Variants in KCNQ5 observed in about 807,000 individuals in gnomAD.
KCNQ5 encodes the protein potassium voltage-gated channel subfamily Q member 5, also known as potassium voltage-gated channel subfamily KQT member 5.
A neutral mutation model predicts 98.2 loss-of-function variants in KCNQ5; 30 were observed. The ratio of observed to expected loss-of-function variants is 0.31; its 90% CI spans 0.23 to 0.41. The LOEUF is 0.41. KCNQ5 is among the 10% of genes least tolerant of loss of function. The pLI is 1.00. For synonymous variants in KCNQ5, 458 were observed against 449.4 expected (o/e 1.02, Z -0.24); for missense variants, 835 against 1,182.5 (o/e 0.71, Z 4.31).
At chr6:72,770,808 A>G (rs892613146) in intron 1 of KCNQ5, among the ~76,000 whole-genome samples, 1 of 152,174 alleles carries the variant, frequency 6.6e-6, no homozygotes, top group African/African-American at 2.4e-5. Context: ...TTGTGTATAC[A>G]ATCATAAATT....
intron 1 of KCNQ5, among the ~76,000 whole-genome samples, chr6:72,953,251 A>T (rs1013102834): frequency 2.0e-5 from 3 of 152,218 alleles, no homozygotes; most frequent in Non-Finnish European, 4.4e-5. Context: ...AATGTGATTA[A>T]TTAACATTTT....
intron 1 of KCNQ5, among the ~76,000 whole-genome samples, chr6:72,802,608 G>C (rs923842363): frequency 2.6e-5 from 4 of 152,000 alleles, no homozygotes; most frequent in Admixed American, 2.6e-4. Context: ...TCTCATTTTG[G>C]TAACATAGAT....
chr6:72,941,481 TC>T (rs1766270456), intron 1 of KCNQ5, among the ~76,000 whole-genome samples: 2 of 113,004 alleles, frequency 1.8e-5, no homozygotes. Context: ...CCTCCTTCCC[TC>T]CCTCCCTTCT....
intron 1 of KCNQ5, among the ~76,000 whole-genome samples, chr6:72,942,026 A>G (rs1766336528): frequency 6.6e-6 from 1 of 152,168 alleles, no homozygotes; most frequent in South Asian, 2.1e-4. Flanking sequence ...TAAGTGGGGA[A>G]GGGCATTTTC....
intron 1 of KCNQ5, among the ~76,000 whole-genome samples, chr6:72,827,813 T>A (rs1227698459): frequency 6.6e-6 from 1 of 152,138 alleles, no homozygotes; most frequent in East Asian, 1.9e-4. Context: ...CAGTCCAATG[T>A]CCTGAACTGT....
chr6:73,194,448 C>A lies in KCNQ5; in HGVS notation c.1837-4C>A, dbSNP rs989222347. 1 of 1,610,154 alleles carries A rather than the reference C, an allele frequency of 6.2e-7. No individual in the cohort carries two copies. The highest frequency in any genetic ancestry group is 8.5e-7 in the Non-Finnish European group (1 of 1,177,426). ...TCATGTGTAACCATTTTCCTCACTT[C>A]TAGGTACAGTCCATAGAATCCAAGC... is the stretch of plus-strand genomic sequence containing the variant. On this transcript the variant is annotated splice_polypyrimidine_tract_variant and splice_region_variant and intron_variant, in intron 13 of 13. Coordinates refer to ENST00000370398, the MANE Select transcript of KCNQ5 (RefSeq NM_019842.4).
intron 1 of KCNQ5, among the ~76,000 whole-genome samples, chr6:72,967,998 C>T (rs1344250442): frequency 6.6e-6 from 1 of 152,180 alleles, no homozygotes; most frequent in Non-Finnish European, 1.5e-5. Flanking sequence ...ACTGTCTCTT[C>T]CTCATTCGCA....
At position 72,874,589 on chromosome 6, in the gene KCNQ5, G is replaced by T. The variant is rs4298303; in HGVS notation, c.399-129319G>T. ...TAATGAGAAGAAAAAGAGCCAAAAG[G>T]CCTTTTGTCAAATAAATAATGATAC... On this transcript the variant is annotated intron_variant, in intron 1 of 13. Coordinates refer to ENST00000370398, the MANE Select transcript of KCNQ5 (RefSeq NM_019842.4). Among the ~76,000 whole-genome samples the T allele has an allele frequency of 3.5e-3, 535 of 152,056 alleles. 4 individuals carry two copies. The highest frequency in any genetic ancestry group is 0.011 in the African/African-American group (474 of 41,476).
At chr6:72,777,271 C>T (rs932154632) in intron 1 of KCNQ5, among the ~76,000 whole-genome samples, 2 of 152,078 alleles carry the variant, frequency 1.3e-5, no homozygotes, top group African/African-American at 4.8e-5. Flanking sequence ...TACTGGGAAC[C>T]CTATCAAAGA....
intron 1 of KCNQ5, among the ~76,000 whole-genome samples, chr6:72,906,207 G>C (rs1268823386): frequency 2.0e-5 from 3 of 152,116 alleles, no homozygotes; most frequent in Non-Finnish European, 4.4e-5. Context: ...TCCTCACCCA[G>C]CTTCCACACA....
At chr6:72,985,517 G>C (rs1768726511) in intron 1 of KCNQ5, among the ~76,000 whole-genome samples, 1 of 152,148 alleles carries the variant, frequency 6.6e-6, no homozygotes, top group Non-Finnish European at 1.5e-5. Context: ...AACACCAAGA[G>C]ATCAGAGCTA....
chr6:73,040,079 C>T (rs991915224), intron 2 of KCNQ5, among the ~76,000 whole-genome samples: 3 of 151,844 alleles, frequency 2.0e-5, no homozygotes, highest in African/African-American at 4.8e-5. Context: ...GAATAAAGAA[C>T]TTGTAAATGT....
At chr6:72,868,597 A>T (rs995164481) in intron 1 of KCNQ5, among the ~76,000 whole-genome samples, 1 of 152,178 alleles carries the variant, frequency 6.6e-6, no homozygotes, top group African/African-American at 2.4e-5. Flanking sequence ...GAGTGTTATG[A>T]TTGGCAACCG....
At chr6:72,683,038 G>A (rs1299941466) in intron 1 of KCNQ5, among the ~76,000 whole-genome samples, 1 of 152,162 alleles carries the variant, frequency 6.6e-6, no homozygotes, top group Non-Finnish European at 1.5e-5. Context: ...TTAACTCAGT[G>A]TGTCTTCCTT....
chr6:73,166,839 C>T (rs1056290389), intron 10 of KCNQ5, among the ~76,000 whole-genome samples: 2 of 152,208 alleles, frequency 1.3e-5, no homozygotes, highest in Non-Finnish European at 2.9e-5. Flanking sequence ...TCTCTGCTTC[C>T]ATCTTCTCTG....
chr6:73,084,817 T>A (rs150470970), intron 5 of KCNQ5, among the ~76,000 whole-genome samples: 3 of 152,182 alleles, frequency 2.0e-5, no homozygotes, highest in African/African-American at 7.2e-5. Context: ...ACCCTGAACC[T>A]AAATGAAACT....
At chr6:72,986,517 G>A in intron 1 of KCNQ5, 1 of 551,684 alleles carries the variant, frequency 1.8e-6, no homozygotes, top group East Asian at 3.0e-5. Flanking sequence ...CTCTAAGAGT[G>A]TGGTCCATGG....
At chr6:72,981,295 T>G (rs1175958700) in intron 1 of KCNQ5, among the ~76,000 whole-genome samples, 3 of 152,192 alleles carry the variant, frequency 2.0e-5, no homozygotes, top group Non-Finnish European at 4.4e-5. Flanking sequence ...TCCTGGACTT[T>G]TTTTGGTTGG....
In KCNQ5 at chr6:73,013,519, G is replaced by A. The variant is rs556952887; in HGVS notation, c.489+9521G>A. 3.9e-5 allele frequency among the ~76,000 whole-genome samples: 6 copies of A among 152,200 alleles called. No individual in the cohort carries two copies. In the East Asian group the frequency reaches 1.2e-3, roughly 29 times the overall value. On this transcript the variant is annotated intron_variant, in intron 2 of 13. Coordinates refer to ENST00000370398, the MANE Select transcript of KCNQ5 (RefSeq NM_019842.4). ...GTGATTCCATCAAAAATGAAAGGGA[G>A]CCAGCATTTTTTAAGTACCCTTCAT...
Sources: gnomAD v4.1 joint callset for allele counts (sites outside exome capture counted in the v4.1 genomes callset) on GRCh38, gnomAD v4.1.1 for gene constraint, MANE v1.5 for transcripts, NCBI Gene and HGNC (gene_info 2026-07-23, HGNC 2026-07-21) for gene names.